Variants in PLCD1 observed in about 807,000 individuals in gnomAD.
PLCD1 encodes phospholipase C delta 1.
PLCD1 carries 71 observed loss-of-function variants against 87.4 expected under a neutral mutation model. The ratio of observed to expected loss-of-function variants is 0.81; its 90% CI spans 0.67 to 0.99. The LOEUF (loss-of-function observed/expected upper bound fraction) is 0.99, where lower values mean the gene tolerates loss of function less well. PLCD1 is among the 50% of genes least tolerant of loss of function. The pLI, the probability that PLCD1 is intolerant of heterozygous loss-of-function variation, is 0.00. For synonymous variants in PLCD1, 348 were observed against 399.2 expected (o/e 0.87, Z 1.53); for missense variants, 867 against 1,001.5 (o/e 0.87, Z 1.81).
At position 38,016,681 on chromosome 3, in the gene PLCD1, G is replaced by A. The variant is rs755564175; in HGVS notation, c.238C>T (p.Arg80Cys). The A allele has an allele frequency of 2.2e-5, 34 of 1,576,884 alleles. No individual in the cohort carries two copies. The highest frequency in any genetic ancestry group is 3.7e-5 in the Admixed American group (2 of 53,568). ...GCGAACTTCTCCAGACCCTCCGTGC[G>A]GTGCCCCATTCGCACCTCCTGAATG... Reference protein sequence around the residue: ...EDIQEVRMGHRTEGLEKFARD... With the variant: ...EDIQEVRMGHCTEGLEKFARD... Residue 80 changes from arginine to cysteine, a missense_variant, in exon 3 of 15, where the codon CGC becomes TGC. Physicochemically the swap from Arg to Cys is radical, Grantham distance 180 (BLOSUM62 -3). Coordinates refer to ENST00000334661, the MANE Select transcript of PLCD1 (RefSeq NM_006225.4).
intron 1 of PLCD1, among the ~76,000 whole-genome samples, chr3:38,027,441 GAC>G (rs772516447): frequency 6.6e-6 from 1 of 152,220 alleles, no homozygotes; most frequent in South Asian, 2.1e-4. Context: ...TGAGGAAACT[GAC>G]ACACAGGGAA....
intron 3 of PLCD1, among the ~76,000 whole-genome samples, chr3:38,016,014 T>A (rs1045794005): frequency 6.6e-6 from 1 of 152,172 alleles, no homozygotes; most frequent in African/African-American, 2.4e-5. Flanking sequence ...GAGGGCTTCA[T>A]GTATCTTCCC....
chr3:38,008,030 C>T lies in PLCD1; in HGVS notation c.2169G>A (p.Leu723=). Residue 723 remains leucine (L), a synonymous_variant, in exon 14 of 15, where the codon TTG becomes TTA. Transcript: ENST00000334661. ...GACACTCACCTTGCTTGAGGCTGTTCAAGGGGATGGTACTCTGGCCAATGA... is the reference window on the plus strand; with the variant it reads ...GACACTCACCTTGCTTGAGGCTGTTTAAGGGGATGGTACTCTGGCCAATGA... ...NDFIGQSTIP[L]NSLKQGYRHV... The T allele has an allele frequency of 6.2e-7, 1 of 1,614,186 alleles. No individual in the cohort carries two copies. Among genetic ancestry groups the T allele is most frequent in the Non-Finnish European group, 8.5e-7 (1 of 1,180,038 alleles).
chr3:38,029,053 C>A (rs1245318143), intron 1 of PLCD1, among the ~76,000 whole-genome samples: 1 of 152,280 alleles, frequency 6.6e-6, no homozygotes, highest in Non-Finnish European at 1.5e-5. Context: ...TGCTCCGCCA[C>A]ACCCGCGCGG....
rs1010806815 is a variant in PLCD1 at position 38,018,809 on chromosome 3, C to A, written c.199+1379G>T. 6.6e-6 allele frequency among the ~76,000 whole-genome samples: 1 copy of A among 152,134 alleles called. No homozygotes were observed. The highest frequency in any genetic ancestry group is 2.4e-5 in the African/African-American group (1 of 41,430). ...AAAAGGTCAGGCGGTCACTCCTGTA[C>A]AGTGTGGCAGCAGGCTGAGCTGGGG... On this transcript the variant is annotated intron_variant, in intron 2 of 14. Transcript: ENST00000334661. This position sits in a 1 kb window ranked among gnomAD's most constrained non-coding sequence, Gnocchi z 5.7.
intron 3 of PLCD1, 25 bp downstream of exon 3, chr3:38,016,466 G>T: frequency 6.6e-7 from 1 of 1,519,030 alleles, no homozygotes; most frequent in Non-Finnish European, 9.1e-7. Flanking sequence ...AGCCAGGCCT[G>T]GACCCACTGC....
chr3:38,021,002 C>T (rs759294154), intron 1 of PLCD1, among the ~76,000 whole-genome samples: 8 of 152,160 alleles, frequency 5.3e-5, no homozygotes, highest in Non-Finnish European at 8.8e-5. Context: ...TAACAGCAAC[C>T]ACCTCAAAGG....
intron 10 of PLCD1, 37 bp from the exon 11 acceptor site, chr3:38,009,195 T>G (rs750767238): frequency 4.1e-5 from 66 of 1,612,566 alleles, no homozygotes; most frequent in Non-Finnish European, 5.5e-5. Flanking sequence ...AGTGGAGGCC[T>G]CCTGGTGAGG....
At chr3:38,013,615 TTAGTG>T (rs1165308284) in intron 3 of PLCD1, among the ~76,000 whole-genome samples, 1 of 152,248 alleles carries the variant, frequency 6.6e-6, no homozygotes, top group Non-Finnish European at 1.5e-5. Flanking sequence ...TTTCCCTGTG[TTAGTG>T]TAGTCTCCAT....
At position 38,009,999 on chromosome 3, in the gene PLCD1, G is replaced by C. The variant is rs778118292; in HGVS notation, c.1192C>G (p.Gln398Glu). 1.2e-6 allele frequency: 2 copies of C among 1,614,018 alleles called. No individual in the cohort carries two copies. The highest frequency in any genetic ancestry group is 4.5e-5 in the East Asian group (2 of 44,892). The change falls in exon 8 of 15, where the codon CAG becomes GAG. Residue 398 changes from glutamine (Q) to glutamate (E), a missense_variant. Gln to Glu is a conservative substitution (Grantham distance 29). Coordinates refer to ENST00000334661, the MANE Select transcript of PLCD1 (RefSeq NM_006225.4). ...TGCAGGTGCCGCGCCATCACGCGCT[G>C]CTGCTCCAGTGTGCAGTGGTTCTCC... is the stretch of plus-strand genomic sequence containing the variant. ...SLENHCTLEQ[Q>E]RVMARHLHAI...
Position 38,024,863 on chromosome 3 carries a change from G to A in PLCD1, c.35-4511C>T, listed in dbSNP as rs1700290210. On this transcript the variant is annotated intron_variant, in intron 1 of 14. Coordinates refer to ENST00000334661, the MANE Select transcript of PLCD1 (RefSeq NM_006225.4). ...AGAGGGGTGGGACTAACGACCCCTG[G>A]AGATGGGGCGAGAGTGGTGTCGAGG... 3.3e-5 allele frequency: 17 copies of A among 517,040 alleles called. No individual in the cohort carries two copies. The South Asian group carries it at 3.6e-4, about 11-fold the overall frequency. The allele number at this position is 517,040 out of a possible 1,614,324, so 32.0% of individuals were successfully genotyped here.
chr3:38,024,615 T>G, intron 1 of PLCD1: 2 of 1,516,374 alleles, frequency 1.3e-6, no homozygotes, highest in Non-Finnish European at 1.8e-6. Context: ...GGGGCGCACT[T>G]CGGAGGGGCG....
rs754834750 is a variant in PLCD1, at chr3:38,011,415, C to T, written c.589G>A (p.Glu197Lys). Residue 197 changes from glutamate to lysine, a missense_variant, in exon 5 of 15, where the codon GAG becomes AAG. Transcript: ENST00000334661. ...TAGAAGGCCTCAATCTCCTCGTCCTCCAGGGAGTCTGTCTGGGAGTGGTCA... is the reference window on the plus strand; with the variant it reads ...TAGAAGGCCTCAATCTCCTCGTCCTTCAGGGAGTCTGTCTGGGAGTGGTCA... Reference protein sequence around the residue: ...ECDHSQTDSLEDEEIEAFYKM... With the variant: ...ECDHSQTDSLKDEEIEAFYKM... 6.2e-7 allele frequency: 1 copy of T among 1,613,958 alleles called. No homozygotes were observed. The highest frequency in any genetic ancestry group is 1.3e-5 in the African/African-American group (1 of 74,944).
chr3:38,014,600 A>C lies in PLCD1; in HGVS notation c.428+1891T>G, dbSNP rs567889635. 59 of 153,756 alleles carry C rather than the reference A, an allele frequency of 3.8e-4. 1 individual carries two copies. The highest frequency in any genetic ancestry group is 4.6e-4 in the Non-Finnish European group (31 of 68,044). 9.5% of individuals were successfully genotyped at this position (153,756 alleles called of 1,614,324 possible). A position where few individuals can be genotyped will look rare whatever the true frequency, so the allele number is the denominator to read the frequency against. On this transcript the variant is annotated intron_variant, in intron 3 of 14. Coordinates refer to ENST00000334661, the MANE Select transcript of PLCD1 (RefSeq NM_006225.4). ...CTGAGTGCAGGGGTGTTTACAACTA[A>C]TTGATCACAAGCAGTTCCAGATTTC...
At chr3:38,012,522 T>G (rs1296489244) in intron 3 of PLCD1, among the ~76,000 whole-genome samples, 1 of 151,452 alleles carries the variant, frequency 6.6e-6, no homozygotes, top group African/African-American at 2.4e-5. Context: ...TGAAGTTTTT[T>G]TTTTTTTTTT....
chr3:38,024,362 C>CA, intron 1 of PLCD1: 7 of 1,613,014 alleles, frequency 4.3e-6, no homozygotes, highest in Non-Finnish European at 5.9e-6. Context: ...TGAGCGCCGC[C>CA]ACCTTAAGGC....
intron 1 of PLCD1, 85 bp from the exon 2 acceptor site, chr3:38,020,437 C>T (rs1286668259): frequency 7.5e-7 from 1 of 1,329,842 alleles, no homozygotes; most frequent in Non-Finnish European, 1.1e-6. Flanking sequence ...CCCACCTCGA[C>T]CCTCTCAGAG....
chr3:38,023,276 C>A (rs1700260627), intron 1 of PLCD1, among the ~76,000 whole-genome samples: 2 of 152,132 alleles, frequency 1.3e-5, no homozygotes, highest in Non-Finnish European at 2.9e-5. Context: ...CTCAAAGAGA[C>A]AATGAGCCAC....
intron 1 of PLCD1, chr3:38,024,646 C>A (rs750451185): frequency 1.3e-6 from 2 of 1,519,266 alleles, no homozygotes; most frequent in Non-Finnish European, 1.8e-6. Flanking sequence ...GAAATCTGGG[C>A]TGAGGGGGTA....
Sources: allele counts gnomAD v4.1 joint callset (sites outside exome capture counted in the v4.1 genomes callset), GRCh38; gene constraint gnomAD v4.1.1; non-coding constraint Gnocchi (gnomAD v3.1); transcripts MANE v1.5; gene names NCBI Gene and HGNC (gene_info 2026-07-23, HGNC 2026-07-21).